CHRD: variants seen among roughly 807,000 people sequenced by gnomAD.
CHRD encodes chordin.
Under a neutral mutation model 113.7 loss-of-function variants are expected in CHRD, and 69 were observed. The observed-to-expected ratio is 0.61, with a 90% confidence interval of 0.50 to 0.74. The LOEUF is 0.74. Among genes scored for constraint, CHRD ranks in the 30% least tolerant of loss-of-function variants. The probability of loss-of-function intolerance (pLI) is 0.00; values close to 1 mark genes in which losing one functional copy is unlikely to be tolerated. For synonymous variants in CHRD, 561 were observed against 540.8 expected, an observed-to-expected ratio of 1.04 and a Z score of -0.52; for missense variants, 1,194 against 1,295.8, an observed-to-expected ratio of 0.92 and a Z score of 1.21.
rs1715180742 is a variant in CHRD, at chr3:184,380,664, C to A, written c.149-28C>A. 6.5e-7 allele frequency: 1 copy of A among 1,528,332 alleles called. No homozygotes were observed. Among genetic ancestry groups the A allele is most frequent in the African/African-American group, 1.4e-5 (1 of 70,016 alleles). 94.7% of individuals were successfully genotyped at this position (1,528,332 alleles called of 1,614,324 possible). A position where few individuals can be genotyped will look rare whatever the true frequency, so the allele number is the denominator to read the frequency against. On this transcript the variant is annotated intron_variant, in intron 1 of 22. Coordinates refer to ENST00000204604, the Ensembl canonical transcript of CHRD. This position sits in a 1 kb window ranked among gnomAD's most constrained non-coding sequence, Gnocchi z 6.3. ...GCGGCACACGGCGCGAGCTGGGCAGCGGCCTCCAGCCAAGCCCGTCCCCGC... is the reference window on the plus strand; with the variant it reads ...GCGGCACACGGCGCGAGCTGGGCAGAGGCCTCCAGCCAAGCCCGTCCCCGC...
intron 14 of CHRD, 23 bp downstream of exon 14, chr3:184,385,261 CA>C: frequency 6.4e-7 from 1 of 1,569,928 alleles, no homozygotes; most frequent in Non-Finnish European, 8.8e-7. Flanking sequence ...TGGTAGGCGG[CA>C]GCTTGGAACA....
rs780919320 is a variant in CHRD, at chr3:184,382,701, C to T, written c.909C>T (p.Leu303=). Reference sequence around the variant, plus strand: ...AGGGCGTAGGGGGCATCACCCTGCTCACTCTCAGTGACACAGAGGACTCCT... The same window carrying T: ...AGGGCGTAGGGGGCATCACCCTGCTTACTCTCAGTGACACAGAGGACTCCT... Residue 303 remains leucine (L), a synonymous_variant, in exon 8 of 23, where the codon CTC becomes CTT. Transcript: ENST00000204604. 3.7e-6 allele frequency: 6 copies of T among 1,613,980 alleles called. No individual in the cohort carries two copies. In the Admixed American group the frequency reaches 1.0e-4, roughly 27 times the overall value.
At chr3:184,390,433 GCAAA>G (rs1716982514), downstream of CHRD, 1 of 151,804 alleles carries the variant, frequency 6.6e-6, no homozygotes, top group Non-Finnish European at 1.5e-5. Context: ...CTAAAGTGAG[GCAAA>G]CACTTTTCTG....
chr3:184,389,071 GA>G, intron 22 of CHRD, 76 bp downstream of exon 22: 1 of 1,055,470 alleles, frequency 9.5e-7, no homozygotes, highest in Non-Finnish European at 1.4e-6. Context: ...TCAGGGAAGG[GA>G]GCACTCACTG....
At position 184,386,507 on chromosome 3, in the gene CHRD, C is replaced by A. The variant is rs1420992692; in HGVS notation, c.1948C>A (p.Gln650Lys). ...CTCCTCCCAGGTGCACATAGCCAAC[C>A]AATGTGAGGTTGGCGGACTGCGCCT... Residue 650 changes from glutamine (Q) to lysine (K), a missense_variant, in exon 16 of 23, where the codon CAA becomes AAA. By Grantham distance (53) the Gln-to-Lys change is moderately conservative. Transcript: ENST00000204604. 4.5e-6 allele frequency: 7 copies of A among 1,538,796 alleles called. No individual in the cohort carries two copies. In the African/African-American group the frequency reaches 6.9e-5, roughly 15 times the overall value.
chr3:184,382,578 A>T, intron 7 of CHRD, 48 bp downstream of exon 7: 6 of 1,610,762 alleles, frequency 3.7e-6, no homozygotes, highest in Non-Finnish European at 4.2e-6. Flanking sequence ...CTTCTCTATC[A>T]CCCAGGAAAG....
rs760021605 is a variant in CHRD, at chr3:184,381,781, C to A, written c.577C>A (p.Arg193Ser). Reference sequence around the variant, plus strand: ...GGCACGAGCCCGAGTCTCGCTGCTGCGCTCTAGCCTCCGCTTCTCTATCTC... The same window carrying A: ...GGCACGAGCCCGAGTCTCGCTGCTGAGCTCTAGCCTCCGCTTCTCTATCTC... Residue 193 changes from arginine to serine, a missense_variant, in exon 5 of 23, where the codon CGC becomes AGC. Coordinates refer to ENST00000204604, the Ensembl canonical transcript of CHRD. The surrounding 1 kb of genome is among the most constrained non-coding windows in gnomAD (Gnocchi z 4.7). The A allele has an allele frequency of 4.3e-6, 7 of 1,613,142 alleles. No individual in the cohort carries two copies. The highest frequency in any genetic ancestry group is 5.9e-6 in the Non-Finnish European group (7 of 1,179,970).
chr3:184,386,816 C>T lies in CHRD; in HGVS notation c.2197-29C>T, dbSNP rs1437309012. The T allele has an allele frequency of 2.9e-5, 46 of 1,613,876 alleles. 1 individual carries two copies. The highest frequency in any genetic ancestry group is 3.7e-5 in the Non-Finnish European group (44 of 1,180,006). ...ATCTGGAGCAAGGGGCCTGGACACT[C>T]CCGTCAATGCCTCTGCTCCTCTCTG... On this transcript the variant is annotated intron_variant, in intron 16 of 22. Coordinates refer to ENST00000204604, the Ensembl canonical transcript of CHRD.
intron 10 of CHRD, 61 bp downstream of exon 10, chr3:184,383,224 C>T (rs1560302860): frequency 6.3e-7 from 1 of 1,587,548 alleles, no homozygotes; most frequent in South Asian, 1.1e-5. Context: ...CAGACAAGTG[C>T]CAGGGTGGGT....
At chr3:184,386,555 G>T (rs1337027571) in exon 16 of CHRD, 1 of 1,546,512 alleles carries the variant, frequency 6.5e-7, no homozygotes. Context: ...GGCCGAGGGG[G>T]TGCGGGCGCT....
At chr3:184,386,352 A>G (rs776472461) in intron 15 of CHRD, 140 bp from the exon 16 acceptor site, 42 of 1,316,400 alleles carry the variant, frequency 3.2e-5, no homozygotes, top group Admixed American at 5.0e-5. Flanking sequence ...GGCAGCTGAG[A>G]TGATTGTGGA....
rs747667508 is a variant in CHRD, at chr3:184,382,660, GAAGGCCCCCC to G, written c.870_879del (p.Glu290AspfsTer5). 1 of 1,613,434 alleles carries G rather than the reference GAAGGCCCCCC, an allele frequency of 6.2e-7. No individual in the cohort carries two copies. The highest frequency in any genetic ancestry group is 1.3e-5 in the African/African-American group (1 of 74,856). On this transcript the variant is annotated frameshift_variant, in exon 8 of 23. Transcript: ENST00000204604. LOFTEE classifies it high-confidence loss of function. ...GACCTTCAGTGCCATCCTGACTCTA[GAAGGCCCCCC>G]ACAGCAGGGCGTAGGGGGCATCACC...
Position 184,380,290 on chromosome 3 carries a change from C to G in CHRD, c.-29C>G, listed in dbSNP as rs1372663123. 2 of 1,201,276 alleles carry G rather than the reference C, an allele frequency of 1.7e-6. No homozygotes were observed. The highest frequency in any genetic ancestry group is 3.3e-5 in the African/African-American group (2 of 61,120). The allele number at this position is 1,201,276 out of a possible 1,614,324, so 74.4% of individuals were successfully genotyped here. On this transcript the variant is annotated 5_prime_UTR_variant, in exon 1 of 23. Coordinates refer to ENST00000204604, the Ensembl canonical transcript of CHRD. The surrounding 1 kb of genome is among the most constrained non-coding windows in gnomAD (Gnocchi z 6.3). The stretch of plus-strand genomic sequence containing the variant: ...CGCCCGCTCCCGCGCCCTCCTCCCT[C>G]CCTCCTCCCCAGCTGTCCCGTTCGC...
chr3:184,388,650 G>GT lies in CHRD; in HGVS notation c.2622dup (p.Ala875CysfsTer36). 6.2e-7 allele frequency: 1 copy of GT among 1,613,752 alleles called. No homozygotes were observed. Among genetic ancestry groups the GT allele is most frequent in the Non-Finnish European group, 8.5e-7 (1 of 1,180,034 alleles). On this transcript the variant is annotated frameshift_variant, in exon 21 of 23. Transcript: ENST00000204604. LOFTEE classifies it high-confidence loss of function. This position sits in a 1 kb window ranked among gnomAD's most constrained non-coding sequence, Gnocchi z 6.1. ...CAGGCTGATGGGCCCCGGGGCTGCCGTTTTGCTGGGCAGTGGTTCCCAGAG... is the reference window on the plus strand; with the variant it reads ...CAGGCTGATGGGCCCCGGGGCTGCCGTTTTTGCTGGGCAGTGGTTCCCAGAG...
At chr3:184,389,727 AC>A in exon 23 of CHRD, 1 of 331,254 alleles carries the variant, frequency 3.0e-6, no homozygotes. Context: ...ATTTATCTTC[AC>A]TCAGCACCAA....
At chr3:184,386,375 C>T (rs1355479782) in intron 15 of CHRD, 117 bp from the exon 16 acceptor site, 3 of 1,412,386 alleles carry the variant, frequency 2.1e-6, no homozygotes, top group Admixed American at 2.5e-5. Flanking sequence ...GAATGGCATC[C>T]TCCTGGGCCA....
At chr3:184,382,587 AG>A (rs754937500) in intron 7 of CHRD, 46 bp from the exon 8 acceptor site, 6 of 1,610,334 alleles carry the variant, frequency 3.7e-6, no homozygotes, top group Admixed American at 1.7e-5. Context: ...CACCCAGGAA[AG>A]GGGGGGAGGG....
intron 14 of CHRD, 40 bp downstream of exon 14, chr3:184,385,278 GT>G: frequency 1.3e-6 from 2 of 1,522,552 alleles, no homozygotes; most frequent in Non-Finnish European, 9.1e-7. Context: ...GAACATTTCT[GT>G]TTTTTAGCTT....
rs777120145 is a variant in CHRD at position 184,389,432 on chromosome 3, A to G, written c.*10A>G. ...AGCCGAAGGCTCTTAGGGAGCAGCC[A>G]GAGGGCCAAGTGACCAAGAGGATGG... On this transcript the variant is annotated 3_prime_UTR_variant, in exon 23 of 23. Coordinates refer to ENST00000204604, the Ensembl canonical transcript of CHRD. 29 of 1,612,730 alleles carry G rather than the reference A, an allele frequency of 1.8e-5. No homozygotes were observed. The South Asian group carries it at 2.9e-4, about 16-fold the overall frequency.
Sources: gnomAD v4.1 joint callset for allele counts on GRCh38, gnomAD v4.1.1 for gene constraint, Gnocchi (gnomAD v3.1) non-coding constraint, MANE v1.5 for transcripts, NCBI Gene and HGNC (gene_info 2026-07-23, HGNC 2026-07-21) for gene names.